Variants in SP140 observed in about 807,000 individuals in gnomAD.
SP140 encodes nuclear body protein SP140.
A neutral mutation model predicts 125.0 loss-of-function variants in SP140; 81 were observed. That is an observed-to-expected ratio of 0.65 (90% CI 0.54 to 0.78). The LOEUF (loss-of-function observed/expected upper bound fraction) is 0.78, where lower values mean the gene tolerates loss of function less well. Among genes scored for constraint, SP140 ranks in the 30% least tolerant of loss-of-function variants. SP140 has a pLI of 0.00. For missense variants in SP140, 858 were observed against 1,037.0 expected (o/e 0.83, Z 2.37); for synonymous variants, 312 against 354.0 (o/e 0.88, Z 1.33).
chr2:230,285,879 A>C, intron 17 of SP140, 47 bp downstream of exon 17: 1 of 1,398,060 alleles, frequency 7.2e-7, no homozygotes, highest in South Asian at 1.2e-5. Context: ...AGGTCAATAC[A>C]AATTTTACTG....
At position 230,295,099 on chromosome 2, in the gene SP140, A is replaced by C. The variant is rs899027349; in HGVS notation, c.2016+781A>C. On this transcript the variant is annotated intron_variant, in intron 21 of 26. Transcript: ENST00000392045. ...CCTCTCTTGAAGAATGCAACAAACAAATAGGTTAAGTGCAGTGTATATTCA... is the reference window on the plus strand; with the variant it reads ...CCTCTCTTGAAGAATGCAACAAACACATAGGTTAAGTGCAGTGTATATTCA... 7.2e-5 allele frequency among the ~76,000 whole-genome samples: 11 copies of C among 152,338 alleles called. No homozygotes were observed. The East Asian group carries it at 2.1e-3, about 29-fold the overall frequency.
chr2:230,212,878 C>G, intron 1 of SP140: 1 of 1,614,094 alleles, frequency 6.2e-7, no homozygotes, highest in Non-Finnish European at 8.5e-7. Context: ...GGCTCACTGA[C>G]TCTTGGCGCA....
chr2:230,231,907 C>T (rs527598145), intron 1 of SP140, among the ~76,000 whole-genome samples: 21 of 152,204 alleles, frequency 1.4e-4, no homozygotes, highest in African/African-American at 4.8e-4. Flanking sequence ...GACGGGGTTT[C>T]ACCATGTTGG....
chr2:230,245,523 G>A (rs1272180528), intron 6 of SP140, among the ~76,000 whole-genome samples: 1 of 152,138 alleles, frequency 6.6e-6, no homozygotes, highest in Non-Finnish European at 1.5e-5. Flanking sequence ...GGGGCAAAGA[G>A]GTAACAAACA....
intron 12 of SP140, among the ~76,000 whole-genome samples, chr2:230,261,815 C>T (rs892228755): frequency 6.6e-6 from 1 of 152,062 alleles, no homozygotes; most frequent in Non-Finnish European, 1.5e-5. Context: ...ACTTCATCGT[C>T]GTGGATTATC....
At chr2:230,293,122 A>G (rs2057315994) in intron 20 of SP140, among the ~76,000 whole-genome samples, 1 of 152,238 alleles carries the variant, frequency 6.6e-6, no homozygotes, top group Non-Finnish European at 1.5e-5. Context: ...AAAGAATGGC[A>G]TAAAAGCCAG....
chr2:230,236,949 G>T, intron 1 of SP140, 134 bp from the exon 2 acceptor site: 1 of 558,222 alleles, frequency 1.8e-6, no homozygotes, highest in Non-Finnish European at 3.0e-6. Flanking sequence ...CATTCATTCT[G>T]GTCTCCCTAC....
At chr2:230,275,133 G>A (rs1046928019) in intron 15 of SP140, among the ~76,000 whole-genome samples, 10 of 151,912 alleles carry the variant, frequency 6.6e-5, no homozygotes, top group African/African-American at 2.2e-4. Context: ...TAGGACAACA[G>A]GAATACTTAT....
At chr2:230,190,838 G>C in the SP140 span, among the ~76,000 whole-genome samples, 1 of 152,252 alleles carries the variant, frequency 6.6e-6, no homozygotes, top group Non-Finnish European at 1.5e-5. Context: ...GCTTGTTTTT[G>C]TCAGGTTTGT....
At chr2:230,240,324 T>C (rs1051257861) in intron 3 of SP140, among the ~76,000 whole-genome samples, 4 of 151,964 alleles carry the variant, frequency 2.6e-5, no homozygotes, top group African/African-American at 9.7e-5. Flanking sequence ...AAGTTAGATG[T>C]CAACAAATTA....
chr2:230,294,571 C>G (rs991149808), intron 21 of SP140, among the ~76,000 whole-genome samples: 3 of 152,134 alleles, frequency 2.0e-5, no homozygotes, highest in African/African-American at 7.2e-5. Context: ...AATATACGTC[C>G]TGGGAGTGTT....
At chr2:230,305,196 G>T (rs141702119) in intron 22 of SP140, among the ~76,000 whole-genome samples, 2,634 of 152,200 alleles carry the variant, frequency 0.017, 95 homozygotes, top group African/African-American at 0.06. Flanking sequence ...AATCAAAACC[G>T]CAATGCGATA....
chr2:230,198,085 T>C, the SP140 span, among the ~76,000 whole-genome samples: 2 of 152,168 alleles, frequency 1.3e-5, no homozygotes, highest in South Asian at 4.2e-4. Flanking sequence ...CTCTATCACA[T>C]GAAGTTCTCT....
intron 3 of SP140, chr2:230,238,840 A>C: frequency 6.4e-7 from 1 of 1,554,314 alleles, no homozygotes; most frequent in Non-Finnish European, 8.7e-7. Flanking sequence ...AGAGCCTAGC[A>C]CATACTGGTA....
intron 7 of SP140, 119 bp downstream of exon 7, chr2:230,246,059 A>C: frequency 1.5e-6 from 1 of 646,628 alleles, no homozygotes; most frequent in Non-Finnish European, 2.8e-6. Context: ...CCATCCATCC[A>C]TCCATTCATC....
downstream of SP140, among the ~76,000 whole-genome samples, chr2:230,316,445 G>A (rs2059483984): frequency 6.6e-6 from 1 of 152,186 alleles, no homozygotes; most frequent in Non-Finnish European, 1.5e-5. Context: ...ACGTGTGTGT[G>A]TTTGGGAGAC....
At chr2:230,297,848 GA>G (rs1293096583) in intron 22 of SP140, among the ~76,000 whole-genome samples, 3 of 152,174 alleles carry the variant, frequency 2.0e-5, no homozygotes, top group African/African-American at 7.2e-5. Context: ...TGGTGTGGAT[GA>G]AAGGGAAAGT....
intron 22 of SP140, among the ~76,000 whole-genome samples, chr2:230,303,205 A>G (rs181499323): frequency 6.6e-6 from 1 of 152,350 alleles, no homozygotes; most frequent in Admixed American, 6.5e-5. Flanking sequence ...AATAAGCCCA[A>G]TTAGAAACAA....
intron 22 of SP140, among the ~76,000 whole-genome samples, chr2:230,309,687 C>A (rs2059152365): frequency 6.6e-6 from 1 of 152,214 alleles, no homozygotes; most frequent in Non-Finnish European, 1.5e-5. Flanking sequence ...TCATTACAAT[C>A]TCTGGTTTCA....
Sources: allele counts gnomAD v4.1 joint callset (sites outside exome capture counted in the v4.1 genomes callset), GRCh38; gene constraint gnomAD v4.1.1; transcripts MANE v1.5; gene names NCBI Gene and HGNC (gene_info 2026-07-23, HGNC 2026-07-21).